The following FANCD2 variants were observed in gnomAD, a reference collection of about 807,000 sequenced individuals.
FANCD2 encodes Fanconi anemia group D2 protein.
Under a neutral mutation model 192.3 loss-of-function variants are expected in FANCD2, and 131 were observed. The ratio of observed to expected loss-of-function variants is 0.68; its 90% CI spans 0.59 to 0.79. FANCD2 has a LOEUF of 0.79. Among genes scored for constraint, FANCD2 ranks in the 30% least tolerant of loss-of-function variants. The probability of loss-of-function intolerance (pLI) is 0.00; values close to 1 mark genes in which losing one functional copy is unlikely to be tolerated. For missense variants in FANCD2, 1,508 were observed against 1,701.6 expected (o/e 0.89, Z 2.00); for synonymous variants, 524 against 612.5 (o/e 0.86, Z 2.13).
rs561269549 is a variant in FANCD2, at chr3:10,051,145, C to A, written c.1546-1242C>A. On this transcript the variant is annotated intron_variant, in intron 17 of 43. Coordinates refer to ENST00000675286, the MANE Select transcript of FANCD2 (RefSeq NM_001018115.3). ...CCTGTAATCCCAGCACTTTGGGAGG[C>A]CGAGGTGGGCGGATCACGAGGTCAG... Among the ~76,000 whole-genome samples the A allele has an allele frequency of 3.3e-5, 5 of 151,058 alleles. No homozygotes were observed. In the South Asian group the frequency reaches 1.0e-3, roughly 32 times the overall value.
rs887304883 is a variant in FANCD2 at position 10,101,450 on chromosome 3, A to G, written c.*188A>G. 16 of 543,052 alleles carry G rather than the reference A, an allele frequency of 2.9e-5. No homozygotes were observed. Among genetic ancestry groups the G allele is most frequent in the African/African-American group, 6.1e-5 (3 of 49,482 alleles). 33.6% of individuals were successfully genotyped at this position (543,052 alleles called of 1,614,324 possible). ...TCCCAGGCTGGAGTGCAGTGCTGCAATCTTGGCTCACTGCAACCTCCATCT... is the reference window on the plus strand; with the variant it reads ...TCCCAGGCTGGAGTGCAGTGCTGCAGTCTTGGCTCACTGCAACCTCCATCT... On this transcript the variant is annotated 3_prime_UTR_variant, in exon 44 of 44. Coordinates refer to ENST00000675286, the MANE Select transcript of FANCD2 (RefSeq NM_001018115.3).
chr3:10,088,884 T>G lies in FANCD2; in HGVS notation c.3617T>G (p.Val1206Gly). The G allele has an allele frequency of 6.2e-7, 1 of 1,614,112 alleles. No individual in the cohort carries two copies. Among genetic ancestry groups the G allele is most frequent in the Non-Finnish European group, 8.5e-7 (1 of 1,179,948 alleles). Residue 1206 changes from valine to glycine, a missense_variant, in exon 36 of 44, where the codon GTT becomes GGT. Coordinates refer to ENST00000675286, the MANE Select transcript of FANCD2 (RefSeq NM_001018115.3). Reference protein sequence around the residue: ...ILKAIEEIAGVGVPELINSPK... With the variant: ...ILKAIEEIAGGGVPELINSPK... Reference sequence around the variant, plus strand: ...AAGGCCATAGAGGAGATTGCTGGTGTTGGTGTCCCAGAACTGATCAACTCT... The same window carrying G: ...AAGGCCATAGAGGAGATTGCTGGTGGTGGTGTCCCAGAACTGATCAACTCT...
intron 9 of FANCD2, 187 bp downstream of exon 9, chr3:10,040,032 T>C (rs866224836): frequency 5.4e-6 from 3 of 552,196 alleles, no homozygotes; most frequent in African/African-American, 2.1e-5. Context: ...CCACATACTT[T>C]CTTTTTTTTT....
intron 36 of FANCD2, among the ~76,000 whole-genome samples, chr3:10,089,318 A>G (rs1163573647): frequency 6.6e-6 from 1 of 151,886 alleles, no homozygotes; most frequent in African/African-American, 2.4e-5. Context: ...ACACTGTCCA[A>G]CGTATATAGC....
intron 42 of FANCD2, 121 bp from the exon 43 acceptor site, chr3:10,098,599 T>C (rs1267854505): frequency 2.7e-5 from 33 of 1,204,644 alleles, no homozygotes; most frequent in Admixed American, 4.3e-5. Context: ...GTATCCATGT[T>C]TGCTGTGTTT....
intron 7 of FANCD2, among the ~76,000 whole-genome samples, chr3:10,038,632 G>A (rs1039958768): frequency 2.0e-5 from 3 of 146,946 alleles, no homozygotes; most frequent in Non-Finnish European, 4.4e-5. Context: ...CCAGGCTGGA[G>A]TGCAGTGGCA....
intron 9 of FANCD2, chr3:10,040,465 G>T (rs2086838347): frequency 8.8e-6 from 4 of 455,838 alleles, no homozygotes; most frequent in South Asian, 6.2e-5. Flanking sequence ...TCTTCAGGGG[G>T]TCCTTAACCC....
intron 17 of FANCD2, among the ~76,000 whole-genome samples, chr3:10,050,493 GTCGCCTGTAGTCC>G (rs2087166450): frequency 6.6e-6 from 1 of 151,828 alleles, no homozygotes; most frequent in Non-Finnish European, 1.5e-5. Flanking sequence ...CATCGTGGCG[GTCGCCTGTAGTCC>G]CAGCTACTCA....
In FANCD2 at chr3:10,092,091, A is replaced by G. The variant is rs572948443; in HGVS notation, c.3778-90A>G. The stretch of plus-strand genomic sequence containing the variant: ...AATTGGCTTAAATATCTGTATAGCT[A>G]TGTAATTCAAGAACTATATCTTAGT... On this transcript the variant is annotated intron_variant, in intron 37 of 43. Transcript: ENST00000675286. 55 of 925,618 alleles carry G rather than the reference A, an allele frequency of 5.9e-5. No homozygotes were observed. In the African/African-American group the frequency reaches 8.2e-4, roughly 14 times the overall value. 57.3% of individuals were successfully genotyped at this position (925,618 alleles called of 1,614,324 possible).
At chr3:10,055,101 A>G (rs2087370359) in intron 18 of FANCD2, among the ~76,000 whole-genome samples, 1 of 152,018 alleles carries the variant, frequency 6.6e-6, no homozygotes, top group Admixed American at 6.6e-5. Context: ...TATTTTGGAG[A>G]TTGCTTCAAA....
chr3:10,085,976 G>C (rs1694175279), intron 33 of FANCD2, 54 bp downstream of exon 33: 1 of 1,237,140 alleles, frequency 8.1e-7, no homozygotes, highest in African/African-American at 1.5e-5. Context: ...CCTAGGAACA[G>C]GATTGGCAAC....
chr3:10,070,366 G>A (rs1176941235), intron 26 of FANCD2, among the ~76,000 whole-genome samples: 32 of 142,982 alleles, frequency 2.2e-4, no homozygotes, highest in East Asian at 8.4e-4. Flanking sequence ...CGCCCCGTCC[G>A]GGAGGGAGGT....
intron 15 of FANCD2, among the ~76,000 whole-genome samples, chr3:10,047,085 G>A (rs1322224918): frequency 2.0e-5 from 3 of 152,404 alleles, no homozygotes; most frequent in African/African-American, 7.2e-5. Context: ...TATAAGCTAG[G>A]AATAGTGTTT....
At chr3:10,060,057 C>T (rs2087520361) in intron 18 of FANCD2, among the ~76,000 whole-genome samples, 1 of 151,870 alleles carries the variant, frequency 6.6e-6, no homozygotes, top group Non-Finnish European at 1.5e-5. Flanking sequence ...ATCCCAGTTA[C>T]CCAGGAGGCT....
intron 38 of FANCD2, among the ~76,000 whole-genome samples, 191 bp downstream of exon 38, chr3:10,092,443 G>C (rs993464248): frequency 1.6e-5 from 2 of 127,458 alleles, no homozygotes; most frequent in African/African-American, 3.2e-5. Context: ...TTTTTTTTTT[G>C]TCTTTTCCTT....
intron 20 of FANCD2, among the ~76,000 whole-genome samples, chr3:10,063,297 C>T (rs1390887230): frequency 6.6e-6 from 1 of 151,968 alleles, no homozygotes; most frequent in African/African-American, 2.4e-5. Context: ...ATTAGCTGGA[C>T]ATGGTGGCAG....
At chr3:10,042,838 TC>T (rs999436991) in intron 11 of FANCD2, among the ~76,000 whole-genome samples, 175 bp downstream of exon 11, 5 of 152,234 alleles carry the variant, frequency 3.3e-5, no homozygotes, top group African/African-American at 1.2e-4. Context: ...CATTTACTCT[TC>T]CTGTGTAGTA....
At chr3:10,055,567 C>T (rs910833966) in intron 18 of FANCD2, among the ~76,000 whole-genome samples, 1 of 152,108 alleles carries the variant, frequency 6.6e-6, no homozygotes, top group Non-Finnish European at 1.5e-5. Flanking sequence ...AATCCCAGCA[C>T]TTTGGGAGGC....
At chr3:10,034,436 A>C in intron 3 of FANCD2, 33 bp from the exon 4 acceptor site, 1 of 1,536,618 alleles carries the variant, frequency 6.5e-7, no homozygotes, top group East Asian at 2.2e-5. Context: ...TATGGTAGGA[A>C]ACTGGTGACC....
Sources: gnomAD v4.1 joint callset for allele counts (sites outside exome capture counted in the v4.1 genomes callset) on GRCh38, gnomAD v4.1.1 for gene constraint, MANE v1.5 for transcripts, NCBI Gene and HGNC (gene_info 2026-07-23, HGNC 2026-07-21) for gene names.